Variants in RFX7 observed in about 807,000 individuals in gnomAD.
RFX7 encodes the protein DNA-binding protein RFX7.
Under a neutral mutation model 111.8 loss-of-function variants are expected in RFX7, and 26 were observed. The ratio of observed to expected loss-of-function variants is 0.23; its 90% CI spans 0.17 to 0.32. The LOEUF (loss-of-function observed/expected upper bound fraction) is 0.32, where lower values mean the gene tolerates loss of function less well. Ranked by LOEUF, RFX7 falls within the 10% of genes least tolerant of loss-of-function variation. RFX7 has a pLI of 1.00. For synonymous variants in RFX7, 624 were observed against 624.4 expected (o/e 1.00, Z 0.01); for missense variants, 1,573 against 1,772.9 (o/e 0.89, Z 2.02).
intron 2 of RFX7, among the ~76,000 whole-genome samples, chr15:56,183,452 T>C (rs549811922): frequency 2.0e-5 from 3 of 152,284 alleles, no homozygotes; most frequent in Non-Finnish European, 2.9e-5. Context: ...TTGTATATGG[T>C]ATAGTGTAAT....
In RFX7 at chr15:56,200,965, C is replaced by G. The variant is rs113173144; in HGVS notation, c.162-21662G>C. On this transcript the variant is annotated intron_variant, in intron 2 of 9. Transcript: ENST00000559447. Reference sequence around the variant, plus strand: ...TTTTAACTGAAAAGCATTAAACCAGCCCATGGTATTAGGTGCTTAAATGAT... The same window carrying G: ...TTTTAACTGAAAAGCATTAAACCAGGCCATGGTATTAGGTGCTTAAATGAT... Among the ~76,000 whole-genome samples the G allele has an allele frequency of 5.8e-3, 881 of 151,246 alleles. 4 individuals carry two copies. Among genetic ancestry groups the G allele is most frequent in the Middle Eastern group, 0.01 (3 of 292 alleles).
At chr15:56,100,897 G>A (rs1595923445) in intron 8 of RFX7, among the ~76,000 whole-genome samples, 1 of 151,662 alleles carries the variant, frequency 6.6e-6, no homozygotes, top group African/African-American at 2.4e-5. Context: ...GTTTTTTTGA[G>A]GCTAAGTTAC....
intron 2 of RFX7, among the ~76,000 whole-genome samples, chr15:56,211,218 A>G (rs1392086964): frequency 2.6e-5 from 4 of 152,150 alleles, no homozygotes; most frequent in Non-Finnish European, 5.9e-5. Flanking sequence ...AAGTATATCA[A>G]TCCTCTACAG....
At position 56,094,072 on chromosome 15, in the gene RFX7, A is replaced by G. The variant is rs1368602622; in HGVS notation, c.3656T>C (p.Ile1219Thr). The change falls in exon 10 of 10, where the codon ATA (isoleucine) becomes ACA (threonine). Residue 1219 changes from isoleucine to threonine, a missense_variant. Transcript: ENST00000559447. ...TGGAACTGATTGGCTTCTTTGAGCT[A>G]TGTTGTTGGCACATGCGTCTGTGTG... ...NVHTDACANNIAQRSQSVPLT... is the reference protein window; with the variant it reads ...NVHTDACANNTAQRSQSVPLT... 6.2e-7 allele frequency: 1 copy of G among 1,613,986 alleles called. No individual in the cohort carries two copies.
rs1432782950 is a variant in RFX7, at chr15:56,096,547, T to C, written c.1181A>G (p.Asn394Ser). The part of the protein sequence containing the change: ...SSSDGKVLPL[N>S]VQVVTQHMQS... Reference sequence around the variant, plus strand: ...CATGTGCTGAGTGACCACCTGTACATTGAGGGGAAGAACTTTGCCGTCAGA... The same window carrying C: ...CATGTGCTGAGTGACCACCTGTACACTGAGGGGAAGAACTTTGCCGTCAGA... Residue 394 changes from asparagine (N) to serine (S), a missense_variant, in exon 10 of 10, where the codon AAT becomes AGT. Around this residue, in one of 7 missense-constraint regions of RFX7, gnomAD observed 288 missense variants for 337.9 expected, o/e 0.85. Transcript: ENST00000559447. 4 of 1,600,928 alleles carry C rather than the reference T, an allele frequency of 2.5e-6. No individual in the cohort carries two copies. The highest frequency in any genetic ancestry group is 1.7e-5 in the Admixed American group (1 of 57,842).
At chr15:56,158,397 T>G (rs13329272) in intron 3 of RFX7, among the ~76,000 whole-genome samples, 3,883 of 152,292 alleles carry the variant, frequency 0.025, 136 homozygotes, top group African/African-American at 0.079. Flanking sequence ...TGTTATTGCT[T>G]AAAATCAGAT....
Position 56,098,390 on chromosome 15 carries a change from G to T in RFX7, c.812-14C>A. ...TTCCTTTCATTCCTGAAAATAAACA[G>T]AAAGGAAAGCTGCAATAAATACTCT... On this transcript the variant is annotated splice_polypyrimidine_tract_variant and intron_variant, in intron 8 of 9. Coordinates refer to ENST00000559447, the MANE Select transcript of RFX7 (RefSeq NM_022841.7). 5 of 1,566,004 alleles carry T rather than the reference G, an allele frequency of 3.2e-6. No homozygotes were observed. The highest frequency in any genetic ancestry group is 4.3e-6 in the Non-Finnish European group (5 of 1,155,810).
At chr15:56,123,904 C>G (rs1483459622) in intron 5 of RFX7, among the ~76,000 whole-genome samples, 1 of 152,200 alleles carries the variant, frequency 6.6e-6, no homozygotes, top group Non-Finnish European at 1.5e-5. Context: ...TTCTCCGTGG[C>G]AGGTGCTGGG....
chr15:56,166,981 A>G (rs1309628911), intron 3 of RFX7, among the ~76,000 whole-genome samples: 1 of 152,140 alleles, frequency 6.6e-6, no homozygotes, highest in Admixed American at 6.6e-5. Flanking sequence ...ACACTGGATT[A>G]CTATTTCCCA....
intron 2 of RFX7, among the ~76,000 whole-genome samples, chr15:56,204,238 C>T (rs745842475): frequency 4.1e-4 from 63 of 152,064 alleles, no homozygotes; most frequent in South Asian, 1.0e-3. Context: ...AGGCTGGTCT[C>T]GAACTCCTGG....
chr15:56,202,184 T>C (rs2043199371), intron 2 of RFX7, among the ~76,000 whole-genome samples: 1 of 152,186 alleles, frequency 6.6e-6, no homozygotes, highest in South Asian at 2.1e-4. Flanking sequence ...GAGAAGTGCC[T>C]ACAGTCTCAC....
intron 5 of RFX7, among the ~76,000 whole-genome samples, chr15:56,107,169 C>T (rs914217128): frequency 6.6e-5 from 10 of 151,568 alleles, no homozygotes; most frequent in East Asian, 1.9e-4. Flanking sequence ...TGGTGGCAGG[C>T]GCCTGTAGTC....
At chr15:56,225,008 T>C (rs902486608) in intron 2 of RFX7, among the ~76,000 whole-genome samples, 6 of 152,124 alleles carry the variant, frequency 3.9e-5, no homozygotes, top group Non-Finnish European at 7.4e-5. Context: ...TTTGTATTAG[T>C]ATTATAACAA....
intron 3 of RFX7, among the ~76,000 whole-genome samples, chr15:56,149,633 T>G (rs1275674325): frequency 1.3e-5 from 2 of 152,062 alleles, no homozygotes; most frequent in Non-Finnish European, 1.5e-5. Context: ...CAAGGGAAGC[T>G]GTGAGGGACT....
Position 56,095,880 on chromosome 15 carries a change from G to A in RFX7, c.1848C>T (p.Gly616=), listed in dbSNP as rs1490315426. 4 of 1,605,544 alleles carry A rather than the reference G, an allele frequency of 2.5e-6. No homozygotes were observed. The highest frequency in any genetic ancestry group is 3.4e-6 in the Non-Finnish European group (4 of 1,179,842). Residue 616 remains glycine, a synonymous_variant, in exon 10 of 10, where the codon GGC becomes GGT. Coordinates refer to ENST00000559447, the MANE Select transcript of RFX7 (RefSeq NM_022841.7). ...ATAGAGTGATAGTGCTTTGATTATT[G>A]CCTGTTGACGTGCCTGGCAGCATTT... ...CNEMLPGTST[G]NNQSTITLSV... is the part of the protein sequence containing the mutation.
At chr15:56,197,095 ATT>A (rs1481006215) in intron 2 of RFX7, among the ~76,000 whole-genome samples, 3 of 152,102 alleles carry the variant, frequency 2.0e-5, no homozygotes, top group Non-Finnish European at 4.4e-5. Flanking sequence ...GGTATGAAAT[ATT>A]TTGTTTTAAA....
intron 5 of RFX7, among the ~76,000 whole-genome samples, chr15:56,112,269 G>A (rs1273998478): frequency 1.3e-5 from 2 of 149,416 alleles, no homozygotes; most frequent in African/African-American, 2.5e-5. Context: ...GCACTAGTAC[G>A]GTATTTTTCA....
At chr15:56,110,306 CG>C (rs2041904284) in intron 5 of RFX7, among the ~76,000 whole-genome samples, 1 of 35,038 alleles carries the variant, frequency 2.9e-5, no homozygotes, top group Non-Finnish European at 6.6e-5. Context: ...CCGCCCCGTC[CG>C]GGAGGGAGGT....
In RFX7 at chr15:56,153,405, C is replaced by A. The variant is rs971597880; in HGVS notation, c.196-8922G>T. Reference sequence around the variant, plus strand: ...TCCCTGGGATGCAAGGCTTGTTCACCATACACAAATCAATATACATAATCC... The same window carrying A: ...TCCCTGGGATGCAAGGCTTGTTCACAATACACAAATCAATATACATAATCC... On this transcript the variant is annotated intron_variant, in intron 3 of 9. Transcript: ENST00000559447. Among the ~76,000 whole-genome samples, 13 of 152,166 alleles carry A rather than the reference C, an allele frequency of 8.5e-5. 1 individual carries two copies. Among genetic ancestry groups the A allele is most frequent in the Admixed American group, 6.5e-4 (10 of 15,278 alleles).
Sources: allele counts gnomAD v4.1 joint callset (sites outside exome capture counted in the v4.1 genomes callset), GRCh38; gene constraint gnomAD v4.1.1; regional missense constraint gnomAD v4.1.1; transcripts MANE v1.5; gene names NCBI Gene and HGNC (gene_info 2026-07-23, HGNC 2026-07-21).